Variants in SERHL2 observed in about 807,000 individuals in gnomAD.
SERHL2 encodes the protein serine hydrolase like 2.
A neutral mutation model predicts 25.5 loss-of-function variants in SERHL2; 29 were observed. The observed-to-expected ratio is 1.14, with a 90% CI of 0.85 to 1.55. The LOEUF is 1.55. Ranked by LOEUF, SERHL2 falls within the 40% of genes most tolerant of loss-of-function variation. SERHL2 has a pLI of 0.00. For synonymous variants in SERHL2, 95 were observed against 103.5 expected (o/e 0.92, Z 0.50); for missense variants, 240 against 252.3 (o/e 0.95, Z 0.33).
intron 10 of SERHL2, among the ~76,000 whole-genome samples, chr22:42,572,121 C>T (rs923810328): frequency 1.3e-5 from 2 of 152,096 alleles, no homozygotes; most frequent in African/African-American, 2.4e-5. Context: ...TCTCTCAGAG[C>T]AAGTATGGGC....
rs145565019 is a variant in SERHL2, at chr22:42,570,331, C to T, written c.649-790C>T. Among the ~76,000 whole-genome samples the T allele has an allele frequency of 9.9e-5, 15 of 152,122 alleles. No individual in the cohort carries two copies. The East Asian group carries it at 1.4e-3, about 14-fold the overall frequency. On this transcript the variant is annotated intron_variant, in intron 9 of 11. Transcript: ENST00000327678. ...ACTCGGTAGGCTGAGGCAGGAGAAT[C>T]GCTTGAACCCAGGAGGCGGGAGGTT... is the stretch of plus-strand genomic sequence containing the variant.
In SERHL2 at chr22:42,571,206, A is replaced by G. The variant is rs201123849; in HGVS notation, c.731+3A>G. The G allele has an allele frequency of 2.9e-3, 4,715 of 1,603,382 alleles. 86 individuals carry two copies. Among genetic ancestry groups the G allele is most frequent in the African/African-American group, 0.024 (1,798 of 73,974 alleles). ...CAGGCCCATGTCCTGTTGATCAAGT[A>G]AGTCTGGACCCATCCCCTTCAGCCA... On this transcript the variant is annotated splice_donor_region_variant and intron_variant, in intron 10 of 11. Transcript: ENST00000327678.
At chr22:42,567,698 T>C (rs1199936450) in intron 9 of SERHL2, among the ~76,000 whole-genome samples, 5 of 150,392 alleles carry the variant, frequency 3.3e-5, no homozygotes, top group Admixed American at 2.6e-4. Flanking sequence ...ATAAAAAAAA[T>C]AAAAGTTCGA....
chr22:42,562,694 G>A (rs1200750998), intron 8 of SERHL2, among the ~76,000 whole-genome samples: 2 of 151,980 alleles, frequency 1.3e-5, no homozygotes, highest in Non-Finnish European at 1.5e-5. Flanking sequence ...ACTCCAGGAG[G>A]AGAAAGGAGC....
At chr22:42,560,131 C>T in intron 7 of SERHL2, 55 bp from the exon 8 acceptor site, 2 of 1,387,512 alleles carry the variant, frequency 1.4e-6, no homozygotes, top group South Asian at 1.2e-5. Flanking sequence ...TCCTTTTTAT[C>T]TGACCTCCTT....
At chr22:42,561,583 G>C (rs1922688450) in intron 8 of SERHL2, among the ~76,000 whole-genome samples, 2 of 151,756 alleles carry the variant, frequency 1.3e-5, no homozygotes, top group Admixed American at 6.6e-5. Flanking sequence ...CACCCTGGTA[G>C]GCAGCTGGGC....
chr22:42,564,330 G>A (rs1436533661), intron 8 of SERHL2, among the ~76,000 whole-genome samples: 1 of 151,708 alleles, frequency 6.6e-6, no homozygotes, highest in Middle Eastern at 3.4e-3. Context: ...GGCTGCCTTG[G>A]TCAGACAGTG....
intron 11 of SERHL2, 42 bp from the exon 12 acceptor site, chr22:42,573,894 T>C (rs765650732): frequency 4.4e-6 from 7 of 1,587,758 alleles, no homozygotes; most frequent in Non-Finnish European, 6.0e-6. Context: ...CTCCCTAGGC[T>C]CCTCTGGCCA....
chr22:42,571,584 C>T, intron 10 of SERHL2: 1 of 543,616 alleles, frequency 1.8e-6, no homozygotes, highest in Non-Finnish European at 2.5e-6. Context: ...CGCCACCAGG[C>T]CTGGCTTATT....
rs1922497796 is a variant in SERHL2 at position 42,560,115 on chromosome 22, C to G, written c.534-71C>G. 5 of 1,184,606 alleles carry G rather than the reference C, an allele frequency of 4.2e-6. No homozygotes were observed. In the South Asian group the frequency reaches 6.1e-5, roughly 14 times the overall value. The allele number at this position is 1,184,606 out of a possible 1,614,324, so 73.4% of individuals were successfully genotyped here. On this transcript the variant is annotated intron_variant, in intron 7 of 11. Transcript: ENST00000327678. ...GCATGAGCCACCGTCCCCCCCGGCC[C>G]TCCTCTCCTTTTTATCTGACCTCCT...
In SERHL2 at chr22:42,554,203, A is replaced by T; in HGVS notation, c.22+161A>T. ...CCGGGGCATGAGAGCGCGACCGGCC[A>T]GGAGTTGGGGGACCCGGGACACGGC... On this transcript the variant is annotated intron_variant, in intron 1 of 11. Coordinates refer to ENST00000327678, the MANE Select transcript of SERHL2 (RefSeq NM_014509.5). 3.4e-6 allele frequency: 3 copies of T among 894,628 alleles called. No individual in the cohort carries two copies. In the South Asian group the frequency reaches 4.7e-5, roughly 14 times the overall value. The allele number at this position is 894,628 out of a possible 1,614,324, so 55.4% of individuals were successfully genotyped here.
chr22:42,572,672 G>A lies in SERHL2; in HGVS notation c.825+143G>A, dbSNP rs555552923. Reference sequence around the variant, plus strand: ...ACCACCAGGATCTATCAGGCCTCATGCTCCACTGTGGTCAGTCCCTAGAGG... The same window carrying A: ...ACCACCAGGATCTATCAGGCCTCATACTCCACTGTGGTCAGTCCCTAGAGG... On this transcript the variant is annotated intron_variant, in intron 11 of 11. Transcript: ENST00000327678. 673 of 1,423,710 alleles carry A rather than the reference G, an allele frequency of 4.7e-4. 5 individuals carry two copies. The African/African-American group carries it at 8.4e-3, about 18-fold the overall frequency. 88.2% of individuals were successfully genotyped at this position (1,423,710 alleles called of 1,614,324 possible).
At chr22:42,563,194 T>C (rs1922907395) in intron 8 of SERHL2, among the ~76,000 whole-genome samples, 1 of 102,054 alleles carries the variant, frequency 9.8e-6, no homozygotes, top group Non-Finnish European at 1.7e-5. Flanking sequence ...TTTTTTCTTT[T>C]TTTTTTTTTT....
chr22:42,554,139 G>A (rs1182345340), intron 1 of SERHL2, 97 bp downstream of exon 1: 3 of 1,436,646 alleles, frequency 2.1e-6, no homozygotes, highest in African/African-American at 2.8e-5. Flanking sequence ...CGCCGACCGC[G>A]TCGCCCTCCT....
chr22:42,564,606 AT>A (rs778317655), intron 8 of SERHL2, among the ~76,000 whole-genome samples: 4 of 151,128 alleles, frequency 2.6e-5, no homozygotes, highest in Non-Finnish European at 4.4e-5. Flanking sequence ...TAATTTTTGT[AT>A]TTTTAGTAGA....
At chr22:42,561,266 T>C (rs1238298293) in intron 8 of SERHL2, among the ~76,000 whole-genome samples, 1 of 151,698 alleles carries the variant, frequency 6.6e-6, no homozygotes, top group East Asian at 1.9e-4. Context: ...TGTCGTCGGA[T>C]GGAAAATGTG....
intron 8 of SERHL2, among the ~76,000 whole-genome samples, chr22:42,565,484 C>T (rs931699962): frequency 6.6e-6 from 1 of 151,894 alleles, no homozygotes; most frequent in African/African-American, 2.4e-5. Flanking sequence ...TGCCACTACG[C>T]CCAGCTAATT....
chr22:42,554,065 G>A (rs369327833), intron 1 of SERHL2, 23 bp downstream of exon 1: 4 of 1,611,938 alleles, frequency 2.5e-6, no homozygotes, highest in East Asian at 4.5e-5. Context: ...GGCCTTGTGC[G>A]AGCGTCCCAC....
At position 42,574,341 on chromosome 22, in the gene SERHL2, G is replaced by C; in HGVS notation, c.*286G>C. The C allele has an allele frequency of 1.9e-6, 1 of 520,782 alleles. No individual in the cohort carries two copies. The highest frequency in any genetic ancestry group is 3.4e-5 in the East Asian group (1 of 29,296). The allele number at this position is 520,782 out of a possible 1,614,324, so 32.3% of individuals were successfully genotyped here. A position where few individuals can be genotyped will look rare whatever the true frequency, so the allele number is the denominator to read the frequency against. On this transcript the variant is annotated 3_prime_UTR_variant, in exon 12 of 12. Transcript: ENST00000327678. ...GGCTGGGCCCACCTAGCCTTTCCCTGCTGCCCAACTGGATGGAAAATAAAA... is the reference window on the plus strand; with the variant it reads ...GGCTGGGCCCACCTAGCCTTTCCCTCCTGCCCAACTGGATGGAAAATAAAA...
Sources: gnomAD v4.1 joint callset for allele counts (sites outside exome capture counted in the v4.1 genomes callset) on GRCh38, gnomAD v4.1.1 for gene constraint, MANE v1.5 for transcripts, NCBI Gene and HGNC (gene_info 2026-07-23, HGNC 2026-07-21) for gene names.